The following VSIG4 variants were observed in gnomAD, a reference collection of about 807,000 sequenced individuals.
VSIG4 encodes the protein V-set and immunoglobulin domain-containing protein 4.
Under a neutral mutation model 23.4 loss-of-function variants are expected in VSIG4, and 34 were observed. That is an observed-to-expected ratio of 1.45 (90% CI 1.10 to 1.93). The LOEUF is 1.93. Ranked by LOEUF, VSIG4 falls within the 30% of genes most tolerant of loss-of-function variation. The pLI, the probability that VSIG4 is intolerant of heterozygous loss-of-function variation, is 0.00. For missense variants in VSIG4, 433 were observed against 310.8 expected, an observed-to-expected ratio of 1.39 and a Z score of -2.96; for synonymous variants, 169 against 120.3, an observed-to-expected ratio of 1.41 and a Z score of -2.65.
At chrX:66,032,815 T>C in intron 2 of VSIG4, 66 bp from the exon 3 acceptor site, 1 of 1,111,737 alleles carries the variant, frequency 9.0e-7, no homozygotes, top group Non-Finnish European at 1.2e-6. Flanking sequence ...AAAGGCTGAA[T>C]CATTCTTGTT....
chrX:66,033,369 G>A lies in VSIG4; in HGVS notation c.412+105C>T, dbSNP rs148994090. ...TGATAAGCACATATACCTGTGGAGAGCCTCTGTATAAACGAAGGCCTCTGG... is the reference window on the plus strand; with the variant it reads ...TGATAAGCACATATACCTGTGGAGAACCTCTGTATAAACGAAGGCCTCTGG... On this transcript the variant is annotated intron_variant, in intron 2 of 7. Transcript: ENST00000374737. The A allele has an allele frequency of 7.2e-4, 497 of 688,062 alleles. 1 individual carries two copies. The African/African-American group carries it at 9.3e-3, about 13-fold the overall frequency. 56.7% of individuals were successfully genotyped at this position (688,062 alleles called of 1,213,427 possible). A position where few individuals can be genotyped will look rare whatever the true frequency, so the allele number is the denominator to read the frequency against.
At position 66,022,189 on chromosome X, in the gene VSIG4, G is replaced by C; in HGVS notation, c.*74C>G. 1 of 1,210,803 alleles carries C rather than the reference G, an allele frequency of 8.3e-7. No homozygotes were observed. On this transcript the variant is annotated 3_prime_UTR_variant, in exon 8 of 8. Coordinates refer to ENST00000374737, the MANE Select transcript of VSIG4 (RefSeq NM_007268.3). Reference sequence around the variant, plus strand: ...GGGCTATCCAGGAAGAGAGGTAGCAGGGAAGAAGGCCATGCAGAAGGCAAG... The same window carrying C: ...GGGCTATCCAGGAAGAGAGGTAGCACGGAAGAAGGCCATGCAGAAGGCAAG...
chrX:66,026,020 G>A (rs1231370966), intron 5 of VSIG4, among the ~76,000 whole-genome samples: 2 of 112,229 alleles, frequency 1.8e-5, no homozygotes, highest in Non-Finnish European at 3.8e-5. Context: ...TTTGGGGTAA[G>A]TTTTTACAGC....
chrX:66,022,242 T>C lies in VSIG4; in HGVS notation c.*21A>G, dbSNP rs1383580890. On this transcript the variant is annotated 3_prime_UTR_variant, in exon 8 of 8. Transcript: ENST00000374737. The stretch of plus-strand genomic sequence containing the variant: ...CTGACTAGGCAATTATGTCAGCAGA[T>C]CCTGGCCTAATGGGGCATTTTTAAC... 3 of 1,211,870 alleles carry C rather than the reference T, an allele frequency of 2.5e-6. No homozygotes were observed. Among genetic ancestry groups the C allele is most frequent in the Admixed American group, 2.2e-5 (1 of 46,087 alleles).
Position 66,039,881 on chromosome X carries a change from C to T in VSIG4, c.55+63G>A, listed in dbSNP as rs933215201. 25 of 1,178,603 alleles carry T rather than the reference C, an allele frequency of 2.1e-5. No individual in the cohort carries two copies. In the Admixed American group the frequency reaches 5.5e-4, roughly 26 times the overall value. ...TAGGCTTTCCATAGTAGACATTAAACACCAACCCTCTAGCCTTTTGCCTAA... is the reference window on the plus strand; with the variant it reads ...TAGGCTTTCCATAGTAGACATTAAATACCAACCCTCTAGCCTTTTGCCTAA... On this transcript the variant is annotated intron_variant, in intron 1 of 7. Transcript: ENST00000374737.
At chrX:66,037,873 G>A (rs1414506094) in intron 1 of VSIG4, among the ~76,000 whole-genome samples, 1 of 106,651 alleles carries the variant, frequency 9.4e-6, no homozygotes, top group Non-Finnish European at 1.9e-5. Flanking sequence ...TCTGATGCCT[G>A]TGTAATGGCA....
chrX:66,033,346 A>G, intron 2 of VSIG4, 128 bp downstream of exon 2: 1 of 583,404 alleles, frequency 1.7e-6, no homozygotes, highest in Non-Finnish European at 2.8e-6. Flanking sequence ...ACTTCCTCTG[A>G]TAAGCACATA....
At chrX:66,025,174 G>A in intron 5 of VSIG4, 45 bp from the exon 6 acceptor site, 1 of 972,769 alleles carries the variant, frequency 1.0e-6, no homozygotes, top group African/African-American at 1.9e-5. Context: ...TGAAAATAAG[G>A]CCAGAAACAA....
At chrX:66,038,481 TCACACA>T (rs10555185) in intron 1 of VSIG4, among the ~76,000 whole-genome samples, 44 of 101,965 alleles carry the variant, frequency 4.3e-4, no homozygotes, top group African/African-American at 1.2e-3. Flanking sequence ...TCTCTCTCTC[TCACACA>T]CACACACACA....
intron 1 of VSIG4, among the ~76,000 whole-genome samples, chrX:66,034,356 T>C (rs750476684): frequency 1.8e-5 from 2 of 112,072 alleles, no homozygotes; most frequent in Non-Finnish European, 3.8e-5. Flanking sequence ...CTCTGCCCTG[T>C]TATCTTCTCT....
At chrX:66,033,951 C>T (rs2085500466) in intron 1 of VSIG4, 121 bp from the exon 2 acceptor site, 1 of 555,361 alleles carries the variant, frequency 1.8e-6, no homozygotes, top group Admixed American at 3.5e-5. Flanking sequence ...CTTTCTATCA[C>T]ACTTTTGTGT....
At chrX:66,026,406 C>T (rs371331547) in intron 5 of VSIG4, among the ~76,000 whole-genome samples, 7 of 111,817 alleles carry the variant, frequency 6.3e-5, no homozygotes, top group South Asian at 3.8e-4. Context: ...GAAAATAGGG[C>T]GCAGACCCAA....
intron 5 of VSIG4, among the ~76,000 whole-genome samples, chrX:66,026,006 T>C (rs1299530621): frequency 8.9e-6 from 1 of 112,250 alleles, no homozygotes; most frequent in African/African-American, 3.2e-5. Context: ...TTTAAGATAC[T>C]AGGTTTGGGG....
At chrX:66,030,306 G>A (rs2085449737) in intron 3 of VSIG4, among the ~76,000 whole-genome samples, 2 of 111,746 alleles carry the variant, frequency 1.8e-5, no homozygotes, top group Non-Finnish European at 3.8e-5. Context: ...GCTGGTGGAA[G>A]CTACCTTCGT....
At position 66,028,098 on chromosome X, in the gene VSIG4, G is replaced by T; in HGVS notation, c.709C>A (p.Leu237Ile). ...KFVVKDSSKL[L>I]KTKTEAPTTM... ...GTAGGTGCCTCAGTCTTGGTCTTGA[G>T]TAGCTTTGAGGAGTCTGCAAGGAAA... is the stretch of plus-strand genomic sequence containing the variant. Residue 237 changes from leucine to isoleucine, a missense_variant, in exon 4 of 8, where the codon CTC becomes ATC. By Grantham distance (5) the Leu-to-Ile change is conservative. Coordinates refer to ENST00000374737, the MANE Select transcript of VSIG4 (RefSeq NM_007268.3). 8.3e-7 allele frequency: 1 copy of T among 1,210,642 alleles called. No individual in the cohort carries two copies. Among genetic ancestry groups the T allele is most frequent in the Non-Finnish European group, 1.1e-6 (1 of 894,761 alleles).
chrX:66,038,678 G>T lies in VSIG4; in HGVS notation c.55+1266C>A, dbSNP rs909456912. Among the ~76,000 whole-genome samples, 3 of 111,834 alleles carry T rather than the reference G, an allele frequency of 2.7e-5. No individual in the cohort carries two copies. In the South Asian group the frequency reaches 1.1e-3, roughly 41 times the overall value. ...AATGGAAATGTGGTAGTTATAGAAA[G>T]AAAAATGTTTTTTCAGGAGCATTAA... On this transcript the variant is annotated intron_variant, in intron 1 of 7. Coordinates refer to ENST00000374737, the MANE Select transcript of VSIG4 (RefSeq NM_007268.3).
Position 66,022,257 on chromosome X carries a change from G to A in VSIG4, c.*6C>T, listed in dbSNP as rs960011460. Reference sequence around the variant, plus strand: ...TGTCAGCAGATCCTGGCCTAATGGGGCATTTTTAACAGACACTTTTGCCCT... The same window carrying A: ...TGTCAGCAGATCCTGGCCTAATGGGACATTTTTAACAGACACTTTTGCCCT... On this transcript the variant is annotated 3_prime_UTR_variant, in exon 8 of 8. Transcript: ENST00000374737. 8.3e-6 allele frequency: 10 copies of A among 1,210,932 alleles called. No individual in the cohort carries two copies. The highest frequency in any genetic ancestry group is 2.3e-4 in the Middle Eastern group (1 of 4,337).
At chrX:66,036,862 A>ATATTATATT (rs1177741298) in intron 1 of VSIG4, among the ~76,000 whole-genome samples, 14 of 40,286 alleles carry the variant, frequency 3.5e-4, no homozygotes, top group African/African-American at 1.7e-3. Context: ...TATATATAAT[A>ATATTATATT]ATATATTATA....
intron 1 of VSIG4, among the ~76,000 whole-genome samples, chrX:66,037,407 A>C (rs1170337628): frequency 4.2e-5 from 1 of 23,756 alleles, no homozygotes; most frequent in Non-Finnish European, 5.6e-5. Context: ...TAATAATATT[A>C]ATATATAATA....
Sources: allele counts gnomAD v4.1 joint callset (sites outside exome capture counted in the v4.1 genomes callset), GRCh38; gene constraint gnomAD v4.1.1; transcripts MANE v1.5; gene names NCBI Gene and HGNC (gene_info 2026-07-23, HGNC 2026-07-21).